The following ELOVL6 variants were observed in gnomAD, a reference collection of about 807,000 sequenced individuals.
ELOVL6 encodes ELOVL fatty acid elongase 6, also known as very long chain fatty acid elongase 6.
A neutral mutation model predicts 31.7 loss-of-function variants in ELOVL6; 8 were observed. The observed-to-expected ratio is 0.25, with a 90% CI of 0.15 to 0.45. ELOVL6 has a LOEUF of 0.45. ELOVL6 is among the 20% of genes least tolerant of loss of function. The pLI is 1.00. For synonymous variants in ELOVL6, 101 were observed against 117.7 expected (o/e 0.86, Z 0.92); for missense variants, 126 against 326.4 (o/e 0.39, Z 4.73).
intron 2 of ELOVL6, among the ~76,000 whole-genome samples, chr4:110,086,347 T>C (rs1478969539): frequency 6.6e-6 from 1 of 152,206 alleles, no homozygotes; most frequent in East Asian, 1.9e-4. Context: ...ATCTGAATCA[T>C]GACATTTGGA....
Position 110,055,885 on chromosome 4 carries a change from A to G in ELOVL6, c.373+3718T>C, listed in dbSNP as rs190578317. On this transcript the variant is annotated intron_variant, in intron 3 of 3. Coordinates refer to ENST00000302274, the MANE Select transcript of ELOVL6 (RefSeq NM_024090.3). Reference sequence around the variant, plus strand: ...TGGCTCTTTTCCTCTCACTTGTTCTAGTGGCCTACAACCCCATAATTCACT... The same window carrying G: ...TGGCTCTTTTCCTCTCACTTGTTCTGGTGGCCTACAACCCCATAATTCACT... Among the ~76,000 whole-genome samples the G allele has an allele frequency of 1.5e-4, 23 of 152,258 alleles. No individual in the cohort carries two copies. In the East Asian group the frequency reaches 4.2e-3, roughly 28 times the overall value.
At chr4:110,132,074 G>C (rs973990713) in intron 1 of ELOVL6, among the ~76,000 whole-genome samples, 2 of 152,168 alleles carry the variant, frequency 1.3e-5, no homozygotes, top group African/African-American at 2.4e-5. Flanking sequence ...AGTCAGAAAT[G>C]AGGGTGGAGA....
intron 2 of ELOVL6, among the ~76,000 whole-genome samples, chr4:110,061,208 A>G (rs1012844875): frequency 9.2e-5 from 14 of 152,100 alleles, no homozygotes; most frequent in Non-Finnish European, 1.8e-4. Context: ...CAGGACCGAC[A>G]AGGCCTCTCT....
At chr4:110,083,987 C>CAACATATGCTATATAT (rs1560813354) in intron 2 of ELOVL6, among the ~76,000 whole-genome samples, 2 of 6,898 alleles carry the variant, frequency 2.9e-4, no homozygotes, top group South Asian at 5.3e-3. Flanking sequence ...ATGCCATATA[C>CAACATATGCTATATAT]GATATATAAC....
chr4:110,180,969 T>C (rs1324428023), intron 1 of ELOVL6, among the ~76,000 whole-genome samples: 2 of 152,098 alleles, frequency 1.3e-5, no homozygotes, highest in Non-Finnish European at 2.9e-5. Context: ...AGACTCAGTC[T>C]CTACAAATAA....
Position 110,050,914 on chromosome 4 carries a change from A to C in ELOVL6, c.*424T>G. The C allele has an allele frequency of 5.8e-6, 1 of 171,278 alleles. No homozygotes were observed. Among genetic ancestry groups the C allele is most frequent in the East Asian group, 1.6e-4 (1 of 6,118 alleles). The allele number at this position is 171,278 out of a possible 1,614,324, so 10.6% of individuals were successfully genotyped here. On this transcript the variant is annotated 3_prime_UTR_variant, in exon 4 of 4. Coordinates refer to ENST00000302274, the MANE Select transcript of ELOVL6 (RefSeq NM_024090.3). ...CAGTTTAGTGTCCATAAAGTTAGAAAGGATTGTGTGTGTTGTGCTCGCACA... is the reference window on the plus strand; with the variant it reads ...CAGTTTAGTGTCCATAAAGTTAGAACGGATTGTGTGTGTTGTGCTCGCACA...
At chr4:110,110,428 G>A (rs1261656811) in intron 1 of ELOVL6, among the ~76,000 whole-genome samples, 3 of 124,520 alleles carry the variant, frequency 2.4e-5, no homozygotes, top group Non-Finnish European at 3.3e-5. Context: ...TTTTTTTTGA[G>A]CCAAGGTCTC....
At chr4:110,143,519 T>C (rs1196289688) in intron 1 of ELOVL6, among the ~76,000 whole-genome samples, 2 of 152,090 alleles carry the variant, frequency 1.3e-5, no homozygotes, top group African/African-American at 4.8e-5. Context: ...TCTTATCTTA[T>C]ATTTCTTAGG....
chr4:110,197,655 G>T (rs557690527), intron 1 of ELOVL6, among the ~76,000 whole-genome samples: 1 of 152,172 alleles, frequency 6.6e-6, no homozygotes, highest in African/African-American at 2.4e-5. Context: ...ACCGCGTGGG[G>T]AAAGGGGTAC....
chr4:110,178,038 A>G (rs916376737), intron 1 of ELOVL6, among the ~76,000 whole-genome samples: 3 of 152,206 alleles, frequency 2.0e-5, no homozygotes, highest in Non-Finnish European at 2.9e-5. Context: ...TCGTCTAAAA[A>G]TGATTAAAAA....
upstream of ELOVL6, chr4:110,198,991 G>T (rs1359214335): frequency 6.6e-6 from 1 of 152,242 alleles, no homozygotes; most frequent in African/African-American, 2.4e-5. Flanking sequence ...TCTACGTTGA[G>T]ATCACCAGTG....
At chr4:110,080,611 C>G (rs181128711) in intron 2 of ELOVL6, among the ~76,000 whole-genome samples, 1 of 152,026 alleles carries the variant, frequency 6.6e-6, no homozygotes, top group Non-Finnish European at 1.5e-5. Context: ...AACAGCTATC[C>G]GTGACAAACC....
At chr4:110,115,826 A>G (rs1299808321) in intron 1 of ELOVL6, among the ~76,000 whole-genome samples, 1 of 152,198 alleles carries the variant, frequency 6.6e-6, no homozygotes, top group African/African-American at 2.4e-5. Flanking sequence ...TTACGGGGCT[A>G]AAATCAAAGA....
intron 2 of ELOVL6, among the ~76,000 whole-genome samples, chr4:110,063,304 G>A (rs1272922990): frequency 6.6e-6 from 1 of 152,160 alleles, no homozygotes; most frequent in African/African-American, 2.4e-5. Flanking sequence ...GTACTTCTCA[G>A]GTTTCCGGAG....
chr4:110,088,242 C>T lies in ELOVL6; in HGVS notation c.221+17255G>A, dbSNP rs181720026. Among the ~76,000 whole-genome samples, 191 of 152,212 alleles carry T rather than the reference C, an allele frequency of 1.3e-3. 2 individuals are homozygous for T. Among genetic ancestry groups the T allele is most frequent in the Non-Finnish European group, 5.9e-5 (4 of 68,006 alleles). ...AGAGTATTGTAGCTTATACATTTTC[C>T]GGGAGTGAAAATGAGAATAAACACT... is the stretch of plus-strand genomic sequence containing the variant. On this transcript the variant is annotated intron_variant, in intron 2 of 3. Coordinates refer to ENST00000302274, the MANE Select transcript of ELOVL6 (RefSeq NM_024090.3).
At chr4:110,093,954 T>C (rs889330705) in intron 2 of ELOVL6, among the ~76,000 whole-genome samples, 3 of 152,048 alleles carry the variant, frequency 2.0e-5, no homozygotes, top group Admixed American at 6.5e-5. Context: ...AACAAGCCAT[T>C]AGAATATCTG....
intron 1 of ELOVL6, among the ~76,000 whole-genome samples, chr4:110,141,301 G>A (rs952311630): frequency 2.0e-5 from 3 of 152,156 alleles, no homozygotes; most frequent in African/African-American, 4.8e-5. Context: ...AACCTCAGGT[G>A]ATCCACCTGC....
intron 1 of ELOVL6, among the ~76,000 whole-genome samples, chr4:110,115,790 C>T (rs1307185547): frequency 6.6e-6 from 1 of 152,172 alleles, no homozygotes; most frequent in African/African-American, 2.4e-5. Flanking sequence ...TCTTACAGTT[C>T]TGGAAGTTAG....
At chr4:110,144,966 T>C (rs1344297152) in intron 1 of ELOVL6, among the ~76,000 whole-genome samples, 1 of 152,068 alleles carries the variant, frequency 6.6e-6, no homozygotes, top group Non-Finnish European at 1.5e-5. Context: ...ACTCTCCTTT[T>C]TGGCTTAAGC....
Sources: allele counts gnomAD v4.1 joint callset (sites outside exome capture counted in the v4.1 genomes callset), GRCh38; gene constraint gnomAD v4.1.1; transcripts MANE v1.5; gene names NCBI Gene and HGNC (gene_info 2026-07-23, HGNC 2026-07-21).